The following DOK6 variants were observed in gnomAD, a reference collection of about 807,000 sequenced individuals.
The protein encoded by DOK6 is docking protein 6, also known as downstream of tyrosine kinase 6.
DOK6 carries 22 observed loss-of-function variants against 44.0 expected under a neutral mutation model. The ratio of observed to expected loss-of-function variants is 0.50; its 90% CI spans 0.36 to 0.71. The LOEUF (loss-of-function observed/expected upper bound fraction) is 0.71. Among genes scored for constraint, DOK6 ranks in the 30% least tolerant of loss-of-function variants. DOK6 has a pLI of 0.00. For synonymous variants in DOK6, 166 were observed against 145.5 expected (o/e 1.14, Z -1.01); for missense variants, 340 against 416.4 (o/e 0.82, Z 1.60).
At chr18:69,666,755 A>G (rs887520073) in intron 3 of DOK6, among the ~76,000 whole-genome samples, 4 of 152,184 alleles carry the variant, frequency 2.6e-5, no homozygotes, top group African/African-American at 9.7e-5. Context: ...GGTTTGTTAC[A>G]TGGATTGAAT....
chr18:69,549,748 T>C (rs1273944093), intron 1 of DOK6, among the ~76,000 whole-genome samples: 2 of 151,510 alleles, frequency 1.3e-5, no homozygotes, highest in African/African-American at 4.8e-5. Flanking sequence ...GACACTCATT[T>C]TACCCTCAGG....
chr18:69,495,949 G>T (rs1596223), intron 1 of DOK6, among the ~76,000 whole-genome samples: 1 of 152,068 alleles, frequency 6.6e-6, no homozygotes, highest in Middle Eastern at 3.2e-3. Flanking sequence ...AGATTTGAGC[G>T]GGTGCCGGGA....
In DOK6 at chr18:69,814,501, C is replaced by T. The variant is rs542972799; in HGVS notation, c.857-26743C>T. Among the ~76,000 whole-genome samples, 6 of 152,198 alleles carry T rather than the reference C, an allele frequency of 3.9e-5. No homozygotes were observed. In the East Asian group the frequency reaches 1.2e-3, roughly 29 times the overall value. On this transcript the variant is annotated intron_variant, in intron 7 of 7. Transcript: ENST00000382713. ...ATCCCTCCCCTGCATAGTTCACAGT[C>T]GGGTTCATGCTTATATTAGTCCATT...
chr18:69,744,558 C>A (rs1011434818), intron 6 of DOK6, among the ~76,000 whole-genome samples: 15 of 151,968 alleles, frequency 9.9e-5, no homozygotes, highest in African/African-American at 3.4e-4. Context: ...GATCTGTGAT[C>A]CCAATTAATC....
At chr18:69,454,802 C>T (rs1350048828) in intron 1 of DOK6, among the ~76,000 whole-genome samples, 39 of 145,422 alleles carry the variant, frequency 2.7e-4, no homozygotes, top group Admixed American at 1.9e-3. Flanking sequence ...AGTAAACTGT[C>T]GCAAGAACAA....
chr18:69,707,966 G>C (rs992199328), intron 5 of DOK6, among the ~76,000 whole-genome samples: 3 of 151,972 alleles, frequency 2.0e-5, no homozygotes, highest in African/African-American at 7.3e-5. Context: ...GAGGGGTCAG[G>C]TTACTCTCCA....
chr18:69,509,586 C>A (rs895674586), intron 1 of DOK6, among the ~76,000 whole-genome samples: 3 of 135,872 alleles, frequency 2.2e-5, no homozygotes, highest in Admixed American at 9.0e-5. Flanking sequence ...TGCAGTGAGC[C>A]GAGATCGCGC....
chr18:69,724,506 A>C (rs1978296592), intron 5 of DOK6, among the ~76,000 whole-genome samples: 1 of 152,218 alleles, frequency 6.6e-6, no homozygotes, highest in Admixed American at 6.5e-5. Context: ...AATAAAATAA[A>C]ATATATAGTG....
chr18:69,669,745 C>T (rs4316854), intron 3 of DOK6, among the ~76,000 whole-genome samples: 118,367 of 151,872 alleles, frequency 0.78, 46,444 homozygotes, highest in East Asian at 0.97. Context: ...TTGAGATTTT[C>T]TTTTCCACTT....
rs575773612 is a variant in DOK6, at chr18:69,493,476, ACAAACTCTGGGAGTGGAACAC to A, written c.67-71008_67-70988del. Reference sequence around the variant, plus strand: ...CAGCCTCAACCAGATCTGCTAAATCACAAACTCTGGGAGTGGAACACCATAATCTGATTTTTTAGCCACTCT... The same window carrying A: ...CAGCCTCAACCAGATCTGCTAAATCACATAATCTGATTTTTTAGCCACTCT... On this transcript the variant is annotated intron_variant, in intron 1 of 7. Transcript: ENST00000382713. Among the ~76,000 whole-genome samples, 190 of 152,328 alleles carry A rather than the reference ACAAACTCTGGGAGTGGAACAC, an allele frequency of 1.2e-3. 1 individual carries two copies. Among genetic ancestry groups the A allele is most frequent in the African/African-American group, 4.3e-3 (179 of 41,580 alleles).
chr18:69,579,391 T>C (rs1278286239), intron 2 of DOK6, among the ~76,000 whole-genome samples: 1 of 152,176 alleles, frequency 6.6e-6, no homozygotes, highest in African/African-American at 2.4e-5. Flanking sequence ...TGTAACTGGA[T>C]TTTCAATAGC....
At chr18:69,734,868 G>A (rs1446589910) in intron 5 of DOK6, among the ~76,000 whole-genome samples, 1 of 152,146 alleles carries the variant, frequency 6.6e-6, no homozygotes, top group Non-Finnish European at 1.5e-5. Flanking sequence ...CACATCATGT[G>A]GGAAGAAAGA....
At chr18:69,684,429 G>A (rs1986106641) in intron 4 of DOK6, among the ~76,000 whole-genome samples, 1 of 152,266 alleles carries the variant, frequency 6.6e-6, no homozygotes, top group Non-Finnish European at 1.5e-5. Context: ...ACCGATCCTG[G>A]TTCTTTTGCC....
At chr18:69,710,149 A>G (rs532044658) in intron 5 of DOK6, among the ~76,000 whole-genome samples, 2 of 152,354 alleles carry the variant, frequency 1.3e-5, no homozygotes, top group East Asian at 3.9e-4. Flanking sequence ...ACTGCACTCT[A>G]GCCTGGTCAA....
At chr18:69,729,244 T>G (rs1267255879) in intron 5 of DOK6, among the ~76,000 whole-genome samples, 2 of 152,206 alleles carry the variant, frequency 1.3e-5, no homozygotes, top group African/African-American at 4.8e-5. Flanking sequence ...TCAATTCCCT[T>G]CAACCAAAGA....
intron 7 of DOK6, among the ~76,000 whole-genome samples, chr18:69,795,746 G>T (rs1197559324): frequency 1.3e-5 from 2 of 152,170 alleles, no homozygotes; most frequent in Non-Finnish European, 2.9e-5. Flanking sequence ...CATTTGGCTG[G>T]CAGGATAAAT....
intron 2 of DOK6, among the ~76,000 whole-genome samples, chr18:69,581,869 T>A (rs959905445): frequency 7.9e-5 from 12 of 152,202 alleles, no homozygotes; most frequent in Admixed American, 5.2e-4. Context: ...ATTGAAATCA[T>A]GATGGCTGGA....
chr18:69,624,877 G>A (rs567055629), intron 3 of DOK6, among the ~76,000 whole-genome samples: 13 of 151,918 alleles, frequency 8.6e-5, no homozygotes, highest in Admixed American at 2.0e-4. Flanking sequence ...ATTAAACATC[G>A]TCTTTTCTTC....
intron 5 of DOK6, among the ~76,000 whole-genome samples, chr18:69,719,094 CAGT>C (rs1323308180): frequency 6.6e-6 from 1 of 152,134 alleles, no homozygotes; most frequent in Non-Finnish European, 1.5e-5. Flanking sequence ...TACACTGAGA[CAGT>C]GGTGTTGCAA....
Sources: allele counts gnomAD v4.1 joint callset (sites outside exome capture counted in the v4.1 genomes callset), GRCh38; gene constraint gnomAD v4.1.1; transcripts MANE v1.5; gene names NCBI Gene and HGNC (gene_info 2026-07-23, HGNC 2026-07-21).